The following NSFL1C variants were observed in gnomAD, a reference collection of about 807,000 sequenced individuals.
NSFL1C encodes the protein NSFL1 cofactor.
In NSFL1C, 14 loss-of-function variants were observed where a neutral mutation model predicts 43.1. The observed-to-expected ratio is 0.32, with a 90% CI of 0.21 to 0.51. The LOEUF (loss-of-function observed/expected upper bound fraction) is 0.51, where lower values mean the gene tolerates loss of function less well. Among genes scored for constraint, NSFL1C ranks in the 20% least tolerant of loss-of-function variants. The pLI, the probability that NSFL1C is intolerant of heterozygous loss-of-function variation, is 0.98. For synonymous variants in NSFL1C, 171 were observed against 183.5 expected, an observed-to-expected ratio of 0.93 and a Z score of 0.55; for missense variants, 406 against 472.5, an observed-to-expected ratio of 0.86 and a Z score of 1.30.
chr20:1,455,219 C>G, intron 3 of NSFL1C, 87 bp from the exon 4 acceptor site: 1 of 1,409,178 alleles, frequency 7.1e-7, no homozygotes, highest in Non-Finnish European at 1.0e-6. Flanking sequence ...CACACTGAGG[C>G]AAAGGGTACA....
rs1390751151 is a variant in NSFL1C at position 1,445,719 on chromosome 20, T to C, written c.897A>G (p.Gln299=). The change falls in exon 8 of 9, where the codon CAA becomes CAG. Residue 299 remains glutamine (Q), a synonymous_variant. Coordinates refer to ENST00000216879, the MANE Select transcript of NSFL1C (RefSeq NM_016143.5). ...IDESEPTTNI[Q]IRLADGGRLV... is the part of the protein sequence containing the mutation. Reference sequence around the variant, plus strand: ...GCCTCCCGCCGTCTGCAAGCCGAATTTGGATGTTTGTGGTAGGCTCTGATT... The same window carrying C: ...GCCTCCCGCCGTCTGCAAGCCGAATCTGGATGTTTGTGGTAGGCTCTGATT... 3.1e-6 allele frequency: 5 copies of C among 1,613,864 alleles called. No homozygotes were observed. The highest frequency in any genetic ancestry group is 4.2e-6 in the Non-Finnish European group (5 of 1,179,976).
In NSFL1C at chr20:1,464,351, C is replaced by A. The variant is rs752122888; in HGVS notation, c.181G>T (p.Val61Leu). 6.2e-7 allele frequency: 1 copy of A among 1,614,266 alleles called. No individual in the cohort carries two copies. Among genetic ancestry groups the A allele is most frequent in the Admixed American group, 1.7e-5 (1 of 60,030 alleles). Residue 61 changes from valine (V) to leucine (L), a missense_variant, in exon 2 of 9, where the codon GTG becomes TTG. Val to Leu is a conservative substitution (Grantham distance 32). Coordinates refer to ENST00000216879, the MANE Select transcript of NSFL1C (RefSeq NM_016143.5). ...VTISQATPSS[V>L]SRGTAPSDNR... ...TACCTGGGGGCTGTGCCTCTGGACA[C>A]TGAACTGGGGGTTGCCTGCGAAATG...
chr20:1,458,217 C>T lies in NSFL1C; in HGVS notation c.261G>A (p.Glu87=), dbSNP rs373361878. ...AGACTCACCTCTGGCCTTCCTCTTCCTCCTCATCTTCATCTTGGTCATGAA... is the reference window on the plus strand; with the variant it reads ...AGACTCACCTCTGGCCTTCCTCTTCTTCCTCATCTTCATCTTGGTCATGAA... ...DLIHDQDEDE[E]EEEGQRFYAG... Residue 87 remains glutamate (E), a synonymous_variant, in exon 3 of 9, where the codon GAG becomes GAA. Transcript: ENST00000216879. 137 of 1,613,628 alleles carry T rather than the reference C, an allele frequency of 8.5e-5. No individual in the cohort carries two copies. The highest frequency in any genetic ancestry group is 1.1e-4 in the Non-Finnish European group (130 of 1,179,704).
At chr20:1,446,023 G>A (rs2090052114) in intron 7 of NSFL1C, 193 bp from the exon 8 acceptor site, 2 of 617,364 alleles carry the variant, frequency 3.2e-6, no homozygotes, top group East Asian at 2.8e-5. Flanking sequence ...TTCAAACCCT[G>A]AGTCATATAT....
chr20:1,462,377 G>C (rs1386049259), intron 2 of NSFL1C, among the ~76,000 whole-genome samples: 1 of 152,118 alleles, frequency 6.6e-6, no homozygotes, highest in East Asian at 1.9e-4. Context: ...CCTTTTTCTT[G>C]TCTTCAGTTC....
chr20:1,466,266 T>G (rs1269385159), intron 1 of NSFL1C, among the ~76,000 whole-genome samples: 1 of 152,188 alleles, frequency 6.6e-6, no homozygotes, highest in African/African-American at 2.4e-5. Flanking sequence ...CCCAGAGGTA[T>G]TCTCCCAGCA....
At chr20:1,458,044 G>T (rs894494790) in intron 3 of NSFL1C, 156 bp downstream of exon 3, 2 of 631,036 alleles carry the variant, frequency 3.2e-6, no homozygotes, top group Admixed American at 5.1e-5. Flanking sequence ...ACAAGGAGTA[G>T]AAGAGACTTC....
At chr20:1,453,565 A>G (rs1200208918) in intron 5 of NSFL1C, among the ~76,000 whole-genome samples, 2 of 152,220 alleles carry the variant, frequency 1.3e-5, no homozygotes, top group African/African-American at 2.4e-5. Context: ...TCCCACACAC[A>G]TTCACAGCAA....
intron 4 of NSFL1C, 73 bp downstream of exon 4, chr20:1,454,894 G>A (rs920023931): frequency 2.2e-5 from 33 of 1,488,554 alleles, no homozygotes; most frequent in Non-Finnish European, 2.5e-5. Context: ...AGTCACTACC[G>A]GGGTGAAGAA....
At chr20:1,460,372 G>C (rs935651421) in intron 2 of NSFL1C, among the ~76,000 whole-genome samples, 1 of 152,132 alleles carries the variant, frequency 6.6e-6, no homozygotes, top group African/African-American at 2.4e-5. Context: ...CAGCAATCTA[G>C]CCTTAAGGAG....
chr20:1,466,685 C>T (rs1168314839), intron 1 of NSFL1C, 35 bp downstream of exon 1: 4 of 1,519,906 alleles, frequency 2.6e-6, no homozygotes, highest in East Asian at 2.5e-5. Context: ...CAGCAGTCCC[C>T]GGCCCACCCG....
At chr20:1,465,027 G>T (rs2090482030) in intron 1 of NSFL1C, among the ~76,000 whole-genome samples, 1 of 152,074 alleles carries the variant, frequency 6.6e-6, no homozygotes, top group Non-Finnish European at 1.5e-5. Context: ...TGTGAAATGG[G>T]GGTACCTGTC....
At chr20:1,460,179 T>C (rs182687071) in intron 2 of NSFL1C, among the ~76,000 whole-genome samples, 77 of 152,292 alleles carry the variant, frequency 5.1e-4, no homozygotes, top group African/African-American at 1.8e-3. Context: ...TGTGTGCAGG[T>C]GGGGTACTGA....
intron 7 of NSFL1C, among the ~76,000 whole-genome samples, chr20:1,447,073 C>G (rs1233330659): frequency 6.6e-6 from 1 of 152,162 alleles, no homozygotes; most frequent in Non-Finnish European, 1.5e-5. Flanking sequence ...GACTGAAAAG[C>G]AAACTTACTC....
chr20:1,452,172 CA>C (rs1178012103), intron 7 of NSFL1C, among the ~76,000 whole-genome samples: 1 of 152,234 alleles, frequency 6.6e-6, no homozygotes, highest in Non-Finnish European at 1.5e-5. Flanking sequence ...CACTATGGAA[CA>C]GTGTTCTACA....
At chr20:1,458,429 C>T (rs902093271) in intron 2 of NSFL1C, among the ~76,000 whole-genome samples, 155 bp from the exon 3 acceptor site, 1 of 152,080 alleles carries the variant, frequency 6.6e-6, no homozygotes, top group East Asian at 1.9e-4. Context: ...TAAGATTACA[C>T]ATAAAATAAT....
intron 2 of NSFL1C, among the ~76,000 whole-genome samples, chr20:1,458,746 G>C (rs995402509): frequency 4.6e-5 from 7 of 152,106 alleles, no homozygotes; most frequent in Admixed American, 3.9e-4. Context: ...TGGGGAAAAG[G>C]GGTTGGTGTA....
intron 7 of NSFL1C, among the ~76,000 whole-genome samples, chr20:1,452,083 A>G (rs2090192452): frequency 1.3e-5 from 2 of 152,204 alleles, no homozygotes; most frequent in African/African-American, 2.4e-5. Context: ...GCCATCAAGG[A>G]GATGACACCT....
At chr20:1,463,638 A>T (rs575733005) in intron 2 of NSFL1C, among the ~76,000 whole-genome samples, 1 of 152,262 alleles carries the variant, frequency 6.6e-6, no homozygotes, top group East Asian at 1.9e-4. Flanking sequence ...TAAAACATAC[A>T]CTAGAGAGTA....
Sources: allele counts gnomAD v4.1 joint callset (sites outside exome capture counted in the v4.1 genomes callset), GRCh38; gene constraint gnomAD v4.1.1; transcripts MANE v1.5; gene names NCBI Gene and HGNC (gene_info 2026-07-23, HGNC 2026-07-21).